Variants in BEND6 observed in about 807,000 individuals in gnomAD.
BEND6 encodes BEN domain containing 6.
A neutral mutation model predicts 31.8 loss-of-function variants in BEND6; 24 were observed. The ratio of observed to expected loss-of-function variants is 0.75; its 90% CI spans 0.55 to 1.06. BEND6 has a LOEUF of 1.06. BEND6 is among the 50% of genes least tolerant of loss of function. The probability of loss-of-function intolerance (pLI) is 0.00; values close to 1 mark genes in which losing one functional copy is unlikely to be tolerated. For missense variants in BEND6, 294 were observed against 327.4 expected (o/e 0.90, Z 0.79); for synonymous variants, 109 against 114.6 (o/e 0.95, Z 0.31).
chr6:56,971,315 T>G (rs1366766354), intron 1 of BEND6, among the ~76,000 whole-genome samples: 1 of 152,234 alleles, frequency 6.6e-6, no homozygotes, highest in Non-Finnish European at 1.5e-5. Flanking sequence ...TTCCTTCCTT[T>G]TAAAGGTTGA....
At chr6:57,014,524 G>A in intron 3 of BEND6, 1 of 1,516,236 alleles carries the variant, frequency 6.6e-7, no homozygotes, top group Non-Finnish European at 8.8e-7. Context: ...AACTTTGAAT[G>A]TGTAAGTTTC....
intron 1 of BEND6, among the ~76,000 whole-genome samples, chr6:56,958,247 TAA>T (rs1825163909): frequency 6.6e-6 from 1 of 152,206 alleles, no homozygotes; most frequent in Admixed American, 6.5e-5. Context: ...TTTCCATCAC[TAA>T]GTCTTTTCAT....
chr6:57,001,684 C>T (rs192689767), intron 3 of BEND6, among the ~76,000 whole-genome samples: 183 of 152,264 alleles, frequency 1.2e-3, no homozygotes, highest in South Asian at 3.7e-3. Context: ...TCCAGATAAG[C>T]AAGTGCTAAG....
intron 1 of BEND6, among the ~76,000 whole-genome samples, chr6:56,972,357 A>G (rs950417155): frequency 1.3e-5 from 2 of 151,998 alleles, no homozygotes; most frequent in African/African-American, 4.8e-5. Flanking sequence ...GGCCTCCCAA[A>G]GTGCTGGGAT....
At chr6:57,018,695 G>A (rs1438506484) in intron 6 of BEND6, 138 bp downstream of exon 6, 4 of 918,776 alleles carry the variant, frequency 4.4e-6, no homozygotes, top group South Asian at 3.7e-5. Flanking sequence ...TATTCCTGGT[G>A]GCAAAAGGGG....
At chr6:56,987,175 T>C (rs1826312503) in intron 2 of BEND6, among the ~76,000 whole-genome samples, 1 of 152,070 alleles carries the variant, frequency 6.6e-6, no homozygotes, top group Non-Finnish European at 1.5e-5. Flanking sequence ...AGACGAGGTT[T>C]CACCATATTG....
chr6:56,977,064 G>T (rs1316234777), intron 1 of BEND6, among the ~76,000 whole-genome samples: 1 of 152,252 alleles, frequency 6.6e-6, no homozygotes, highest in East Asian at 1.9e-4. Flanking sequence ...GAAAATTAGT[G>T]CAACCAAAAT....
intron 3 of BEND6, among the ~76,000 whole-genome samples, chr6:56,999,469 G>A (rs962670714): frequency 6.6e-6 from 1 of 152,188 alleles, no homozygotes; most frequent in Non-Finnish European, 1.5e-5. Context: ...TTTAGGCCAC[G>A]TTCCTCATGC....
At chr6:56,994,597 A>T (rs1826634543) in intron 3 of BEND6, among the ~76,000 whole-genome samples, 1 of 152,148 alleles carries the variant, frequency 6.6e-6, no homozygotes, top group Admixed American at 6.5e-5. Context: ...TCATCCAAAA[A>T]GCAGAGGAAG....
At chr6:56,979,875 A>G (rs1317428411) in intron 1 of BEND6, among the ~76,000 whole-genome samples, 1 of 152,236 alleles carries the variant, frequency 6.6e-6, no homozygotes, top group African/African-American at 2.4e-5. Context: ...GTTTGTATCT[A>G]TGGAATGCTG....
At chr6:56,957,902 G>C (rs1399473013) in intron 1 of BEND6, among the ~76,000 whole-genome samples, 1 of 152,146 alleles carries the variant, frequency 6.6e-6, no homozygotes, top group Non-Finnish European at 1.5e-5. Context: ...GGAACCATAA[G>C]GAAATTAAAA....
chr6:57,024,350 G>C (rs1216544695), intron 6 of BEND6, among the ~76,000 whole-genome samples: 1 of 152,082 alleles, frequency 6.6e-6, no homozygotes, highest in Non-Finnish European at 1.5e-5. Flanking sequence ...TAGCATTTTT[G>C]TCTTTCAGAC....
At chr6:57,022,164 C>CTTTTTTT (rs57185788) in intron 6 of BEND6, among the ~76,000 whole-genome samples, 138 of 111,090 alleles carry the variant, frequency 1.2e-3, no homozygotes, top group Non-Finnish European at 1.8e-3. Flanking sequence ...TTTTCTTTTT[C>CTTTTTTT]TTTTTTTTTT....
intron 1 of BEND6, among the ~76,000 whole-genome samples, chr6:56,973,589 T>A (rs1825768301): frequency 6.6e-6 from 1 of 152,194 alleles, no homozygotes; most frequent in South Asian, 2.1e-4. Flanking sequence ...TCTCTCAAAA[T>A]ATCTTACTGT....
intron 3 of BEND6, among the ~76,000 whole-genome samples, chr6:56,999,895 C>G (rs528354021): frequency 6.6e-6 from 1 of 151,938 alleles, no homozygotes; most frequent in Admixed American, 6.6e-5. Flanking sequence ...ATGTGAGGAG[C>G]GCCTCTGCCC....
rs1394258734 is a variant in BEND6 at position 56,992,400 on chromosome 6, C to T, written c.143C>T (p.Ala48Val). 1.9e-6 allele frequency: 3 copies of T among 1,610,448 alleles called. No individual in the cohort carries two copies. Among genetic ancestry groups the T allele is most frequent in the Non-Finnish European group, 2.5e-6 (3 of 1,179,140 alleles). Residue 48 changes from alanine (A) to valine (V), a missense_variant, in exon 3 of 7, where the codon GCC becomes GTC. Coordinates refer to ENST00000370746, the MANE Select transcript of BEND6 (RefSeq NM_152731.3). ...TAGAGAGACCCATATTCGGGAAATGCCTTTCTGCCTGGTGAAAGCTCCAGT... is the reference window on the plus strand; with the variant it reads ...TAGAGAGACCCATATTCGGGAAATGTCTTTCTGCCTGGTGAAAGCTCCAGT... ...KGQRDPYSGN[A>V]FLPGESSSED...
At chr6:56,974,169 C>T (rs1267144150) in intron 1 of BEND6, among the ~76,000 whole-genome samples, 3 of 152,066 alleles carry the variant, frequency 2.0e-5, no homozygotes, top group Non-Finnish European at 4.4e-5. Context: ...GAGTAGAGTA[C>T]TGTTTTTAAT....
Position 56,992,532 on chromosome 6 carries a change from G to T in BEND6, c.275G>T (p.Arg92Leu), listed in dbSNP as rs756814276. 1 of 1,613,578 alleles carries T rather than the reference G, an allele frequency of 6.2e-7. No individual in the cohort carries two copies. The highest frequency in any genetic ancestry group is 1.1e-5 in the South Asian group (1 of 90,968). ...TNTRKENSRL[R>L]QSLVMLQVLP... Reference sequence around the variant, plus strand: ...ACCCGGAAAGAAAACAGCCGACTTCGACAGTCTTTGGTCATGCTTCAAGGT... The same window carrying T: ...ACCCGGAAAGAAAACAGCCGACTTCTACAGTCTTTGGTCATGCTTCAAGGT... The change falls in exon 3 of 7, where the codon CGA becomes CTA. Residue 92 changes from arginine (R) to leucine (L), a missense_variant. By Grantham distance (102) the Arg-to-Leu change is moderately radical (BLOSUM62 -2). Coordinates refer to ENST00000370746, the MANE Select transcript of BEND6 (RefSeq NM_152731.3).
intron 1 of BEND6, among the ~76,000 whole-genome samples, chr6:56,956,056 A>G (rs994889050): frequency 2.0e-5 from 3 of 152,246 alleles, no homozygotes; most frequent in African/African-American, 7.2e-5. Context: ...ATTCTGCGGC[A>G]TCTTGCGGCC....
Sources: gnomAD v4.1 joint callset for allele counts (sites outside exome capture counted in the v4.1 genomes callset) on GRCh38, gnomAD v4.1.1 for gene constraint, MANE v1.5 for transcripts, NCBI Gene and HGNC (gene_info 2026-07-23, HGNC 2026-07-21) for gene names.